Variants in AHI1 observed in about 807,000 individuals in gnomAD.
AHI1 encodes the protein jouberin.
A neutral mutation model predicts 149.3 loss-of-function variants in AHI1; 123 were observed. The observed-to-expected ratio is 0.82, with a 90% confidence interval of 0.71 to 0.96. The LOEUF (loss-of-function observed/expected upper bound fraction) is 0.96. Among genes scored for constraint, AHI1 ranks in the 40% least tolerant of loss-of-function variants. The probability of loss-of-function intolerance (pLI) is 0.00; values close to 1 mark genes in which losing one functional copy is unlikely to be tolerated. For missense variants in AHI1, 1,439 were observed against 1,422.7 expected, an observed-to-expected ratio of 1.01 and a Z score of -0.18; for synonymous variants, 475 against 459.8, an observed-to-expected ratio of 1.03 and a Z score of -0.42.
rs1784005171 is a variant in AHI1, at chr6:135,427,044, C to T, written c.2764+123G>A. The T allele has an allele frequency of 4.9e-5, 46 of 934,856 alleles. 1 individual carries two copies. Among genetic ancestry groups the T allele is most frequent in the Middle Eastern group, 6.6e-4 (2 of 3,052 alleles). 57.9% of individuals were successfully genotyped at this position (934,856 alleles called of 1,614,324 possible). On this transcript the variant is annotated intron_variant, in intron 20 of 28. Coordinates refer to ENST00000265602, the MANE Select transcript of AHI1 (RefSeq NM_001134831.2). Reference sequence around the variant, plus strand: ...ACTTGTGGCTAGCTTTCTGTGATTCCAACATAAGGGCACAATTATTATGTG... The same window carrying T: ...ACTTGTGGCTAGCTTTCTGTGATTCTAACATAAGGGCACAATTATTATGTG...
intron 24 of AHI1, among the ~76,000 whole-genome samples, chr6:135,343,256 A>G (rs1393499493): frequency 1.3e-5 from 2 of 151,948 alleles, no homozygotes; most frequent in African/African-American, 4.8e-5. Flanking sequence ...AAAACCACAA[A>G]ACACCATTGA....
rs2614274 is a variant in AHI1, at chr6:135,442,447, T to C, written c.1912+135A>G. On this transcript the variant is annotated intron_variant, in intron 14 of 28. Coordinates refer to ENST00000265602, the MANE Select transcript of AHI1 (RefSeq NM_001134831.2). Reference sequence around the variant, plus strand: ...AATTATTACAAAAGAACTTTCTTTGTTTGAAGAAATCCGTTTTCTTTAATT... The same window carrying C: ...AATTATTACAAAAGAACTTTCTTTGCTTGAAGAAATCCGTTTTCTTTAATT... 0.98 allele frequency: 945,362 copies of C among 960,342 alleles called. 465,350 individuals are homozygous for C. Among genetic ancestry groups the C allele is most frequent in the East Asian group, 1 (34,080 of 34,082 alleles). 59.5% of individuals were successfully genotyped at this position (960,342 alleles called of 1,614,324 possible). A position where few individuals can be genotyped will look rare whatever the true frequency, so the allele number is the denominator to read the frequency against.
At chr6:135,454,537 A>AT in intron 10 of AHI1, among the ~76,000 whole-genome samples, 1 of 152,118 alleles carries the variant, frequency 6.6e-6, no homozygotes, top group Admixed American at 6.5e-5. Flanking sequence ...CGGACTTGTC[A>AT]TTTTTTTCCT....
chr6:135,413,268 G>A (rs535558888), intron 20 of AHI1, among the ~76,000 whole-genome samples: 1 of 152,234 alleles, frequency 6.6e-6, no homozygotes, highest in Non-Finnish European at 1.5e-5. Flanking sequence ...TGGAGGTCGA[G>A]GCTGCCACTG....
chr6:135,455,515 G>A (rs1788790441), intron 10 of AHI1, among the ~76,000 whole-genome samples: 1 of 152,150 alleles, frequency 6.6e-6, no homozygotes, highest in Non-Finnish European at 1.5e-5. Context: ...ATACAAAGTA[G>A]GCCAAATGGT....
chr6:135,373,902 C>T (rs990377348), intron 23 of AHI1, among the ~76,000 whole-genome samples: 8 of 151,834 alleles, frequency 5.3e-5, no homozygotes, highest in East Asian at 3.9e-4. Context: ...TTACTTGTTT[C>T]GGGCAATATG....
At position 135,427,327 on chromosome 6, in the gene AHI1, C is replaced by A. The variant is rs1303364590; in HGVS notation, c.2624-20G>T. The stretch of plus-strand genomic sequence containing the variant: ...GTTCTCCTAAATAAAAAGAGAGATT[C>A]AAAAATGTATATCAGAGCATATCTG... On this transcript the variant is annotated intron_variant, in intron 19 of 28. Transcript: ENST00000265602. 1 of 1,597,424 alleles carries A rather than the reference C, an allele frequency of 6.3e-7. No individual in the cohort carries two copies. Among genetic ancestry groups the A allele is most frequent in the South Asian group, 1.1e-5 (1 of 89,016 alleles).
At chr6:135,440,840 G>C (rs188333798) in intron 14 of AHI1, among the ~76,000 whole-genome samples, 1 of 151,996 alleles carries the variant, frequency 6.6e-6, no homozygotes, top group Non-Finnish European at 1.5e-5. Context: ...TTGGGTGGGC[G>C]TGAGGGGAGA....
chr6:135,338,927 CTTTT>C (rs143028763), intron 24 of AHI1, among the ~76,000 whole-genome samples: 1 of 140,918 alleles, frequency 7.1e-6, no homozygotes, highest in Non-Finnish European at 1.6e-5. Flanking sequence ...CTCATCTTTC[CTTTT>C]TTTTTTTTTT....
intron 24 of AHI1, among the ~76,000 whole-genome samples, chr6:135,341,810 C>G (rs1050199192): frequency 6.6e-6 from 1 of 151,544 alleles, no homozygotes; most frequent in Non-Finnish European, 1.5e-5. Context: ...GTAGAAAAAG[C>G]AGTAATTTGA....
intron 24 of AHI1, among the ~76,000 whole-genome samples, chr6:135,338,316 A>G (rs566453788): frequency 9.2e-5 from 14 of 151,590 alleles, no homozygotes; most frequent in Admixed American, 2.6e-4. Context: ...AAAAAAAAAA[A>G]AAAGAAAGAA....
At position 135,466,085 on chromosome 6, in the gene AHI1, T is replaced by A. The variant is rs1257185309; in HGVS notation, c.478A>T (p.Lys160Ter). ...VDSTHQKTHTKPQPGVDHQKS... is the reference protein window; with the variant it reads ...VDSTHQKTHT ...TGATGATCAACGCCTGGCTGTGGCT[T>A]TGTATGTGTTTTCTGGTGTGTAGAA... The change falls in exon 7 of 29, where the codon AAG (lysine) becomes TAG (stop). Residue 160 changes from lysine to a stop codon, truncating the protein, a stop_gained. Coordinates refer to ENST00000265602, the MANE Select transcript of AHI1 (RefSeq NM_001134831.2). LOFTEE classifies it high-confidence loss of function. 1 of 1,613,950 alleles carries A rather than the reference T, an allele frequency of 6.2e-7. No individual in the cohort carries two copies. The highest frequency in any genetic ancestry group is 8.5e-7 in the Non-Finnish European group (1 of 1,179,868).
chr6:135,490,793 A>G (rs1158230909), intron 4 of AHI1, 46 bp from the exon 5 acceptor site: 1 of 1,603,238 alleles, frequency 6.2e-7, no homozygotes, highest in Non-Finnish European at 8.5e-7. Context: ...CTCTATCATA[A>G]CACACAACCT....
intron 24 of AHI1, among the ~76,000 whole-genome samples, chr6:135,323,912 G>A (rs1280900618): frequency 1.3e-5 from 2 of 152,164 alleles, no homozygotes; most frequent in African/African-American, 4.8e-5. Flanking sequence ...GAATTTAAGA[G>A]GAAAAGCCTT....
chr6:135,309,631 G>A (rs994007897), intron 26 of AHI1, among the ~76,000 whole-genome samples: 5 of 151,984 alleles, frequency 3.3e-5, no homozygotes, highest in South Asian at 2.1e-4. Flanking sequence ...ACAGGCATGC[G>A]CCACCACACC....
chr6:135,301,661 T>C (rs1186412127), intron 26 of AHI1: 1 of 985,434 alleles, frequency 1.0e-6, no homozygotes, highest in Non-Finnish European at 1.2e-6. Context: ...AAAACAAGAA[T>C]TAAAGAGCAA....
intron 23 of AHI1, among the ~76,000 whole-genome samples, chr6:135,388,462 G>C (rs1000221193): frequency 6.6e-6 from 1 of 152,074 alleles, no homozygotes; most frequent in African/African-American, 2.4e-5. Flanking sequence ...CATGCTTCCA[G>C]CTTAGATGTA....
chr6:135,393,276 G>C (rs1382685896), intron 23 of AHI1, among the ~76,000 whole-genome samples: 1 of 150,392 alleles, frequency 6.6e-6, no homozygotes, highest in East Asian at 1.9e-4. Flanking sequence ...TACAAAAAAT[G>C]AAAAAAAAAT....
At chr6:135,351,135 C>CAAAAAAAAAA (rs1183574427) in intron 24 of AHI1, among the ~76,000 whole-genome samples, 2 of 131,376 alleles carry the variant, frequency 1.5e-5, no homozygotes, top group African/African-American at 6.7e-5. Flanking sequence ...AAACAAAAAA[C>CAAAAAAAAAA]AAAAAAAACA....
Sources: allele counts gnomAD v4.1 joint callset (sites outside exome capture counted in the v4.1 genomes callset), GRCh38; gene constraint gnomAD v4.1.1; transcripts MANE v1.5; gene names NCBI Gene and HGNC (gene_info 2026-07-23, HGNC 2026-07-21).